KCNQ1: variants seen among roughly 807,000 people sequenced by gnomAD.
KCNQ1 encodes the protein potassium voltage-gated channel subfamily Q member 1, also known as potassium voltage-gated channel subfamily KQT member 1.
A neutral mutation model predicts 72.4 loss-of-function variants in KCNQ1; 49 were observed. That is an observed-to-expected ratio of 0.68 (90% CI 0.54 to 0.86). KCNQ1 has a LOEUF of 0.86. KCNQ1 is among the 40% of genes least tolerant of loss of function. KCNQ1 has a pLI of 0.00. For synonymous variants in KCNQ1, 450 were observed against 412.6 expected, an observed-to-expected ratio of 1.09 and a Z score of -1.10; for missense variants, 790 against 945.1, an observed-to-expected ratio of 0.84 and a Z score of 2.15.
rs1213702745 is a variant in KCNQ1, at chr11:2,624,894, C to T, written c.1393+36040C>T. ...TAACATAATGGCCTCGAGGTTCATCCATGTTGTGGCATGTGTCAAAATTTC... is the reference window on the plus strand; with the variant it reads ...TAACATAATGGCCTCGAGGTTCATCTATGTTGTGGCATGTGTCAAAATTTC... On this transcript the variant is annotated intron_variant, in intron 10 of 15. Coordinates refer to ENST00000155840, the MANE Select transcript of KCNQ1 (RefSeq NM_000218.3). This position sits in a 1 kb window ranked among gnomAD's most constrained non-coding sequence, Gnocchi z 4.9. The T allele has an allele frequency of 2.5e-6, 1 of 398,368 alleles. No homozygotes were observed. The highest frequency in any genetic ancestry group is 3.6e-5 in the East Asian group (1 of 28,064). The allele number at this position is 398,368 out of a possible 1,614,324, so 24.7% of individuals were successfully genotyped here. A position where few individuals can be genotyped will look rare whatever the true frequency, so the allele number is the denominator to read the frequency against.
At position 2,585,089 on chromosome 11, in the gene KCNQ1, G is replaced by C. The variant is rs1008335142; in HGVS notation, c.1033-123G>C. The C allele has an allele frequency of 5.8e-5, 50 of 856,274 alleles. 2 individuals carry two copies. Among genetic ancestry groups the C allele is most frequent in the South Asian group, 3.9e-4 (29 of 74,000 alleles). 53.0% of individuals were successfully genotyped at this position (856,274 alleles called of 1,614,324 possible). A position where few individuals can be genotyped will look rare whatever the true frequency, so the allele number is the denominator to read the frequency against. ...AGGCTGGGCCCGAGGTGGGACTTGGGGGGGCTTCCAGCACTGACCATACCT... is the reference window on the plus strand; with the variant it reads ...AGGCTGGGCCCGAGGTGGGACTTGGCGGGGCTTCCAGCACTGACCATACCT... On this transcript the variant is annotated intron_variant, in intron 7 of 15. Transcript: ENST00000155840.
At chr11:2,700,097 G>C in intron 11 of KCNQ1, 1 of 397,784 alleles carries the variant, frequency 2.5e-6, no homozygotes, top group Non-Finnish European at 4.4e-6. Context: ...CTTGCGGCGG[G>C]CTGCTGCACG....
In KCNQ1 at chr11:2,674,999, G is replaced by A. The variant is rs577543061; in HGVS notation, c.1514+12918G>A. 14 of 398,518 alleles carry A rather than the reference G, an allele frequency of 3.5e-5. No individual in the cohort carries two copies. Among genetic ancestry groups the A allele is most frequent in the East Asian group, 2.5e-4 (7 of 28,058 alleles). The allele number at this position is 398,518 out of a possible 1,614,324, so 24.7% of individuals were successfully genotyped here. ...CTCTTACAGTGGCGGGCACTCAGCC[G>A]GCTTCTTCCCGCCTGACTTCTCTGC... On this transcript the variant is annotated intron_variant, in intron 11 of 15. Transcript: ENST00000155840. This position sits in a 1 kb window ranked among gnomAD's most constrained non-coding sequence, Gnocchi z 5.9.
Position 2,673,297 on chromosome 11 carries a change from G to C in KCNQ1, c.1514+11216G>C. 1 of 398,768 alleles carries C rather than the reference G, an allele frequency of 2.5e-6. No individual in the cohort carries two copies. The highest frequency in any genetic ancestry group is 4.4e-6 in the Non-Finnish European group (1 of 226,146). 24.7% of individuals were successfully genotyped at this position (398,768 alleles called of 1,614,324 possible). On this transcript the variant is annotated intron_variant, in intron 11 of 15. Transcript: ENST00000155840. The surrounding 1 kb of genome is among the most constrained non-coding windows in gnomAD (Gnocchi z 4.5). ...CCTTCTCCCCTAGAAGAAATCTTGA[G>C]AGAAACAATCCCACAGGCTACCAGG...
At position 2,486,442 on chromosome 11, in the gene KCNQ1, TG is replaced by T. The variant is rs1846741637; in HGVS notation, c.386+40962del. Among the ~76,000 whole-genome samples, 1 of 152,232 alleles carries T rather than the reference TG, an allele frequency of 6.6e-6. No homozygotes were observed. Among genetic ancestry groups the T allele is most frequent in the African/African-American group, 2.4e-5 (1 of 41,472 alleles). ...TTTGCAAATATTTTCTCTCATTCTG[TG>T]GGGTGCCTTTTTACTCCGTTGATAG... On this transcript the variant is annotated intron_variant, in intron 1 of 15. Transcript: ENST00000155840. This position sits in a 1 kb window ranked among gnomAD's most constrained non-coding sequence, Gnocchi z 5.0.
rs751957933 is a variant in KCNQ1 at position 2,787,995 on chromosome 11, C to T, written c.1794+9958C>T. On this transcript the variant is annotated intron_variant, in intron 15 of 15. Transcript: ENST00000155840. The surrounding 1 kb of genome is among the most constrained non-coding windows in gnomAD (Gnocchi z 6.3). ...CTTTGGACGGGCATGGCCGTGCGCG[C>T]GTGTGGGGAGGTGAGTGTGGCTCCC... is the stretch of plus-strand genomic sequence containing the variant. Among the ~76,000 whole-genome samples the T allele has an allele frequency of 2.6e-5, 4 of 152,292 alleles. No homozygotes were observed. The highest frequency in any genetic ancestry group is 9.6e-5 in the African/African-American group (4 of 41,568).
Position 2,712,421 on chromosome 11 carries a change from C to T in KCNQ1, c.1514+50340C>T, listed in dbSNP as rs1851021428. Among the ~76,000 whole-genome samples, 1 of 152,130 alleles carries T rather than the reference C, an allele frequency of 6.6e-6. No individual in the cohort carries two copies. Among genetic ancestry groups the T allele is most frequent in the African/African-American group, 2.4e-5 (1 of 41,428 alleles). ...GCCTGGGGGATGTTAGACTCACCAG[C>T]CATCCCCTGGAAAGCTGTGGGGAGA... is the stretch of plus-strand genomic sequence containing the variant. On this transcript the variant is annotated intron_variant, in intron 11 of 15. Coordinates refer to ENST00000155840, the MANE Select transcript of KCNQ1 (RefSeq NM_000218.3). The surrounding 1 kb of genome is among the most constrained non-coding windows in gnomAD (Gnocchi z 6.4).
At chr11:2,571,480 G>A (rs1419846096) in intron 4 of KCNQ1, 77 bp downstream of exon 4, 7 of 1,212,244 alleles carry the variant, frequency 5.8e-6, no homozygotes, top group Admixed American at 1.7e-5. Context: ...GTGGTCTCAC[G>A]CCCCATCCAC....
At chr11:2,529,082 C>T (rs1307413293) in intron 2 of KCNQ1, among the ~76,000 whole-genome samples, 3 of 152,214 alleles carry the variant, frequency 2.0e-5, no homozygotes, top group South Asian at 2.1e-4. Context: ...ACTCTTCCCT[C>T]GTCTTCCCAG....
Position 2,735,367 on chromosome 11 carries a change from G to T in KCNQ1, c.1515-33477G>T, listed in dbSNP as rs867855883. ...GCCCGGTGGAGGGTGGGCCATGGCCGCCCCCACCTCCCCTCCCGCAAGCTT... is the reference window on the plus strand; with the variant it reads ...GCCCGGTGGAGGGTGGGCCATGGCCTCCCCCACCTCCCCTCCCGCAAGCTT... On this transcript the variant is annotated intron_variant, in intron 11 of 15. Coordinates refer to ENST00000155840, the MANE Select transcript of KCNQ1 (RefSeq NM_000218.3). The surrounding 1 kb of genome is among the most constrained non-coding windows in gnomAD (Gnocchi z 7.7). Among the ~76,000 whole-genome samples, 1 of 151,866 alleles carries T rather than the reference G, an allele frequency of 6.6e-6. No homozygotes were observed. The highest frequency in any genetic ancestry group is 2.4e-5 in the African/African-American group (1 of 41,316).
chr11:2,617,979 T>C lies in KCNQ1; in HGVS notation c.1393+29125T>C. 1 of 398,610 alleles carries C rather than the reference T, an allele frequency of 2.5e-6. No homozygotes were observed. Among genetic ancestry groups the C allele is most frequent in the Non-Finnish European group, 4.4e-6 (1 of 226,054 alleles). 24.7% of individuals were successfully genotyped at this position (398,610 alleles called of 1,614,324 possible). ...TTGGCAAATATTTTCTTCTAGTCCA[T>C]AGGTTGCCTTTTCCTTTTGTTGACT... On this transcript the variant is annotated intron_variant, in intron 10 of 15. Transcript: ENST00000155840. This position sits in a 1 kb window ranked among gnomAD's most constrained non-coding sequence, Gnocchi z 4.6.
At chr11:2,737,604 A>G (rs76533793) in intron 11 of KCNQ1, among the ~76,000 whole-genome samples, 2 of 152,226 alleles carry the variant, frequency 1.3e-5, no homozygotes, top group Admixed American at 1.3e-4. Flanking sequence ...AACGTGAGTG[A>G]ATTTGACTCC....
At position 2,813,686 on chromosome 11, in the gene KCNQ1, G is replaced by A. The variant is rs142058796; in HGVS notation, c.1795-34081G>A. Among the ~76,000 whole-genome samples, 1,351 of 152,232 alleles carry A rather than the reference G, an allele frequency of 8.9e-3. 8 individuals carry two copies. The highest frequency in any genetic ancestry group is 0.014 in the Non-Finnish European group (930 of 68,014). On this transcript the variant is annotated intron_variant, in intron 15 of 15. Transcript: ENST00000155840. The surrounding 1 kb of genome is among the most constrained non-coding windows in gnomAD (Gnocchi z 4.4). ...TTAGTCGGTGGTGGGCTGTCACTCC[G>A]GAGGCCAGTGACTGCGTCATCAGTG...
chr11:2,666,534 C>G, intron 11 of KCNQ1: 1 of 398,702 alleles, frequency 2.5e-6, no homozygotes, highest in Non-Finnish European at 4.4e-6. Flanking sequence ...TCATCCACAT[C>G]ACTACTAATG....
At chr11:2,747,941 G>A (rs1319856424) in intron 11 of KCNQ1, among the ~76,000 whole-genome samples, 1 of 152,132 alleles carries the variant, frequency 6.6e-6, no homozygotes, top group African/African-American at 2.4e-5. Flanking sequence ...AATCCCTCTG[G>A]CGTGAAGCAA....
chr11:2,642,745 G>A lies in KCNQ1; in HGVS notation c.1394-19216G>A. 1 of 397,504 alleles carries A rather than the reference G, an allele frequency of 2.5e-6. No individual in the cohort carries two copies. 24.6% of individuals were successfully genotyped at this position (397,504 alleles called of 1,614,324 possible). A position where few individuals can be genotyped will look rare whatever the true frequency, so the allele number is the denominator to read the frequency against. On this transcript the variant is annotated intron_variant, in intron 10 of 15. Transcript: ENST00000155840. This position sits in a 1 kb window ranked among gnomAD's most constrained non-coding sequence, Gnocchi z 4.3. ...GTTCTTGCTTTTCTGGTTCCTTCAG[G>A]TGTATCATTAGATTATTTAAGATCT...
chr11:2,601,037 A>G lies in KCNQ1; in HGVS notation c.1393+12183A>G, dbSNP rs925554001. Among the ~76,000 whole-genome samples, 3 of 152,064 alleles carry G rather than the reference A, an allele frequency of 2.0e-5. No homozygotes were observed. Among genetic ancestry groups the G allele is most frequent in the Non-Finnish European group, 4.4e-5 (3 of 68,028 alleles). On this transcript the variant is annotated intron_variant, in intron 10 of 15. Coordinates refer to ENST00000155840, the MANE Select transcript of KCNQ1 (RefSeq NM_000218.3). The surrounding 1 kb of genome is among the most constrained non-coding windows in gnomAD (Gnocchi z 5.2). Reference sequence around the variant, plus strand: ...CTATATTTTGCCTTGCAACCAATAAACAATCGGGGGAGATTCTTTAAGGCC... The same window carrying G: ...CTATATTTTGCCTTGCAACCAATAAGCAATCGGGGGAGATTCTTTAAGGCC...
rs750749750 is a variant in KCNQ1, at chr11:2,669,332, G to A, written c.1514+7251G>A. 1.1e-3 allele frequency: 456 copies of A among 398,624 alleles called. 2 individuals are homozygous for A. The highest frequency in any genetic ancestry group is 7.0e-4 in the Non-Finnish European group (158 of 226,066). 24.7% of individuals were successfully genotyped at this position (398,624 alleles called of 1,614,324 possible). A position where few individuals can be genotyped will look rare whatever the true frequency, so the allele number is the denominator to read the frequency against. ...TTGCCATGGAAAGCCTCCTCTAGGC[G>A]CAGCAGCCTCTAGATGGGCATGGGA... On this transcript the variant is annotated intron_variant, in intron 11 of 15. Coordinates refer to ENST00000155840, the MANE Select transcript of KCNQ1 (RefSeq NM_000218.3). This position sits in a 1 kb window ranked among gnomAD's most constrained non-coding sequence, Gnocchi z 5.6.
rs1330364515 is a variant in KCNQ1, at chr11:2,661,663, C to G, written c.1394-298C>G. Reference sequence around the variant, plus strand: ...TGTCAGTTGTGAACATGGGAAGAGGCCCAGAACCTGAGGTGGGGAGAGTCT... The same window carrying G: ...TGTCAGTTGTGAACATGGGAAGAGGGCCAGAACCTGAGGTGGGGAGAGTCT... On this transcript the variant is annotated intron_variant, in intron 10 of 15. Coordinates refer to ENST00000155840, the MANE Select transcript of KCNQ1 (RefSeq NM_000218.3). This position sits in a 1 kb window ranked among gnomAD's most constrained non-coding sequence, Gnocchi z 5.9. 4 of 596,472 alleles carry G rather than the reference C, an allele frequency of 6.7e-6. No homozygotes were observed. Among genetic ancestry groups the G allele is most frequent in the Non-Finnish European group, 1.2e-5 (4 of 334,582 alleles). 36.9% of individuals were successfully genotyped at this position (596,472 alleles called of 1,614,324 possible).
Sources: gnomAD v4.1 joint callset for allele counts (sites outside exome capture counted in the v4.1 genomes callset) on GRCh38, gnomAD v4.1.1 for gene constraint, Gnocchi (gnomAD v3.1) non-coding constraint, MANE v1.5 for transcripts, NCBI Gene and HGNC (gene_info 2026-07-23, HGNC 2026-07-21) for gene names.